The following TANC2 variants were observed in gnomAD, a reference collection of about 807,000 sequenced individuals.
TANC2 encodes protein TANC2.
In TANC2, 26 loss-of-function variants were observed where a neutral mutation model predicts 210.5. That is an observed-to-expected ratio of 0.12 (90% confidence interval 0.09 to 0.17). The LOEUF (loss-of-function observed/expected upper bound fraction) is 0.17. TANC2 is among the 10% of genes least tolerant of loss of function. The pLI, the probability that TANC2 is intolerant of heterozygous loss-of-function variation, is 1.00. For synonymous variants in TANC2, 931 were observed against 967.1 expected (o/e 0.96, Z 0.69); for missense variants, 2,129 against 2,608.9 (o/e 0.82, Z 4.01).
At chr17:63,353,519 A>T (rs2046684485) in intron 13 of TANC2, among the ~76,000 whole-genome samples, 1 of 152,082 alleles carries the variant, frequency 6.6e-6, no homozygotes, top group Admixed American at 6.6e-5. Flanking sequence ...ATAAGATGGG[A>T]CTCAGGGGAG....
intron 9 of TANC2, among the ~76,000 whole-genome samples, chr17:63,302,677 A>G (rs1001686638): frequency 3.4e-5 from 4 of 118,668 alleles, no homozygotes; most frequent in African/African-American, 6.9e-5. Flanking sequence ...TTTTGAGCCT[A>G]TGTGTGTCTT....
chr17:63,105,658 TCTC>T (rs1313285097), intron 4 of TANC2, among the ~76,000 whole-genome samples: 3 of 151,834 alleles, frequency 2.0e-5, no homozygotes, highest in African/African-American at 7.3e-5. Flanking sequence ...TTATTTTTCT[TCTC>T]ATTTATATCT....
intron 4 of TANC2, among the ~76,000 whole-genome samples, chr17:63,135,129 T>C (rs1181113731): frequency 6.6e-6 from 1 of 152,112 alleles, no homozygotes; most frequent in Admixed American, 6.6e-5. Flanking sequence ...GATGGGAGGA[T>C]TACTTGAACC....
intron 4 of TANC2, among the ~76,000 whole-genome samples, chr17:63,112,765 CAT>C (rs1335187142): frequency 1.1e-4 from 17 of 152,308 alleles, no homozygotes; most frequent in East Asian, 9.6e-4. Flanking sequence ...AGAATCCTAA[CAT>C]GTGAAAAAGT....
intron 5 of TANC2, among the ~76,000 whole-genome samples, chr17:63,176,776 A>C (rs990865755): frequency 1.5e-4 from 21 of 144,768 alleles, no homozygotes; most frequent in African/African-American, 5.5e-4. Flanking sequence ...GCTGCACTCC[A>C]GCCTGGGCGA....
intron 9 of TANC2, among the ~76,000 whole-genome samples, chr17:63,312,005 G>C (rs1384628071): frequency 6.6e-6 from 1 of 152,178 alleles, no homozygotes; most frequent in Non-Finnish European, 1.5e-5. Flanking sequence ...TTCGGGAATA[G>C]ATAGCGGTGA....
chr17:63,244,836 T>C (rs761609090), intron 8 of TANC2, among the ~76,000 whole-genome samples: 21 of 152,198 alleles, frequency 1.4e-4, no homozygotes, highest in Non-Finnish European at 2.1e-4. Flanking sequence ...AGGCAGGTCT[T>C]TCCTGTGCTG....
At chr17:63,001,217 G>A (rs931519877) in intron 1 of TANC2, among the ~76,000 whole-genome samples, 3 of 152,104 alleles carry the variant, frequency 2.0e-5, no homozygotes, top group Non-Finnish European at 2.9e-5. Context: ...TTCTAAGTAA[G>A]CCTAGAATAT....
intron 9 of TANC2, among the ~76,000 whole-genome samples, chr17:63,297,965 A>G (rs978837850): frequency 6.6e-6 from 1 of 152,218 alleles, no homozygotes; most frequent in African/African-American, 2.4e-5. Context: ...GTTCAACATC[A>G]TCAGTCATTA....
chr17:63,130,989 T>C (rs1184311896), intron 4 of TANC2: 17 of 152,190 alleles, frequency 1.1e-4, no homozygotes, highest in Admixed American at 1.0e-3. Flanking sequence ...GCAGAGTTTA[T>C]AAGAGTCAAC....
chr17:62,985,465 CT>C (rs35982166), intron 1 of TANC2, among the ~76,000 whole-genome samples: 1 of 152,074 alleles, frequency 6.6e-6, no homozygotes, highest in Non-Finnish European at 1.5e-5. Context: ...ATATTTTCTA[CT>C]TTTTTTCACA....
At chr17:63,078,777 A>G (rs1459715385) in intron 3 of TANC2, among the ~76,000 whole-genome samples, 1 of 152,138 alleles carries the variant, frequency 6.6e-6, no homozygotes, top group Non-Finnish European at 1.5e-5. Context: ...GAATCATTTT[A>G]AATTTGTTAA....
intron 1 of TANC2, among the ~76,000 whole-genome samples, chr17:63,003,538 G>A (rs1056698160): frequency 2.0e-5 from 3 of 152,236 alleles, no homozygotes; most frequent in Non-Finnish European, 4.4e-5. Flanking sequence ...GCAGGATGGA[G>A]CAGGATGGTG....
At chr17:62,980,090 C>G (rs971295565) in intron 1 of TANC2, among the ~76,000 whole-genome samples, 1 of 152,182 alleles carries the variant, frequency 6.6e-6, no homozygotes, top group Non-Finnish European at 1.5e-5. Flanking sequence ...AGTTTATTGT[C>G]AGTCACCTGT....
At chr17:63,242,889 A>C (rs901952344) in intron 8 of TANC2, among the ~76,000 whole-genome samples, 4 of 152,202 alleles carry the variant, frequency 2.6e-5, no homozygotes, top group African/African-American at 9.6e-5. Context: ...AAAAAAATAT[A>C]TGCTATATGA....
intron 4 of TANC2, among the ~76,000 whole-genome samples, chr17:63,103,638 T>G (rs1029177257): frequency 2.2e-4 from 34 of 152,198 alleles, no homozygotes; most frequent in African/African-American, 8.2e-4. Flanking sequence ...GTTTTATACT[T>G]TTTAAAAACC....
chr17:63,298,157 T>C (rs996455163), intron 9 of TANC2, among the ~76,000 whole-genome samples: 2 of 152,196 alleles, frequency 1.3e-5, no homozygotes, highest in African/African-American at 4.8e-5. Context: ...GTTCCTCATA[T>C]AGTTAAACAT....
intron 1 of TANC2, among the ~76,000 whole-genome samples, chr17:62,981,233 C>G (rs1240086275): frequency 6.6e-6 from 1 of 152,112 alleles, no homozygotes; most frequent in East Asian, 1.9e-4. Flanking sequence ...AGCTGATGAC[C>G]TTGCTTTCTG....
At chr17:63,360,369 G>A (rs1220507196) in intron 14 of TANC2, among the ~76,000 whole-genome samples, 1 of 152,108 alleles carries the variant, frequency 6.6e-6, no homozygotes, top group African/African-American at 2.4e-5. Context: ...GATGAAGCAT[G>A]GGAAGGAAAA....
Sources: gnomAD v4.1 joint callset for allele counts (sites outside exome capture counted in the v4.1 genomes callset) on GRCh38, gnomAD v4.1.1 for gene constraint, MANE v1.5 for transcripts, NCBI Gene and HGNC (gene_info 2026-07-23, HGNC 2026-07-21) for gene names.